Variants in STARD9 observed in about 807,000 individuals in gnomAD.
STARD9 encodes StAR related lipid transfer domain containing 9.
A neutral mutation model predicts 399.8 loss-of-function variants in STARD9; 346 were observed. The observed-to-expected ratio is 0.87, with a 90% confidence interval of 0.79 to 0.95. The LOEUF (loss-of-function observed/expected upper bound fraction) is 0.95. STARD9 is among the 40% of genes least tolerant of loss of function. The pLI is 0.00. For synonymous variants in STARD9, 2,203 were observed against 2,143.5 expected (o/e 1.03, Z -0.77); for missense variants, 5,832 against 5,667.5 (o/e 1.03, Z -0.93).
chr15:42,670,555 G>T (rs1595741881), intron 16 of STARD9: 1 of 152,202 alleles, frequency 6.6e-6, no homozygotes. Context: ...TGAAAATCTA[G>T]TTTTCATTCT....
intron 3 of STARD9, among the ~76,000 whole-genome samples, chr15:42,623,736 A>G (rs990424777): frequency 9.9e-5 from 15 of 152,202 alleles, no homozygotes; most frequent in African/African-American, 3.4e-4. Flanking sequence ...ACCAATTTCC[A>G]TGGTATGCAT....
At chr15:42,709,070 C>T (rs1270555687) in intron 26 of STARD9, among the ~76,000 whole-genome samples, 1 of 151,974 alleles carries the variant, frequency 6.6e-6, no homozygotes, top group Non-Finnish European at 1.5e-5. Context: ...TTGGGGGTCT[C>T]TCCACTGAAT....
intron 3 of STARD9, among the ~76,000 whole-genome samples, chr15:42,622,820 A>G (rs1053718207): frequency 2.0e-5 from 3 of 152,148 alleles, no homozygotes; most frequent in Non-Finnish European, 4.4e-5. Flanking sequence ...AATGAAAAGG[A>G]TACATTTTAT....
chr15:42,701,755 GAGGCTGAGGC>G lies in STARD9; in HGVS notation c.13284+5883_13284+5892del, dbSNP rs535699071. 9.2e-5 allele frequency among the ~76,000 whole-genome samples: 14 copies of G among 152,192 alleles called. No individual in the cohort carries two copies. The South Asian group carries it at 2.9e-3, about 32-fold the overall frequency. ...CACGCCTGTAATCCCAGCACTTTGG[GAGGCTGAGGC>G]AGGCTGATCACAAAGTCAGGAGTTC... On this transcript the variant is annotated intron_variant, in intron 26 of 32. Transcript: ENST00000290607.
At position 42,693,165 on chromosome 15, in the gene STARD9, T is replaced by C; in HGVS notation, c.11587T>C (p.Ser3863Pro). 1 of 1,537,036 alleles carries C rather than the reference T, an allele frequency of 6.5e-7. No individual in the cohort carries two copies. Among genetic ancestry groups the C allele is most frequent in the East Asian group, 2.4e-5 (1 of 40,904 alleles). The change falls in exon 23 of 33, where the codon TCC becomes CCC. Residue 3863 changes from serine (S) to proline (P), a missense_variant. By Grantham distance (74) the Ser-to-Pro change is moderately conservative (BLOSUM62 -1). Transcript: ENST00000290607. ...CLVVSSPSPS[S>P]PHSPGLFPST... ...AGTTGTCAGCAGTCCCAGTCCCAGC[T>C]CCCCTCATTCCCCAGGGCTCTTTCC...
intron 3 of STARD9, among the ~76,000 whole-genome samples, chr15:42,592,020 C>T (rs2058405730): frequency 6.6e-6 from 1 of 152,194 alleles, no homozygotes; most frequent in African/African-American, 2.4e-5. Context: ...AATTTTATGT[C>T]ATTTCCACTA....
At position 42,685,912 on chromosome 15, in the gene STARD9, T is replaced by C. The variant is rs1176235504; in HGVS notation, c.4334T>C (p.Ile1445Thr). The C allele has an allele frequency of 1.3e-6, 2 of 1,537,160 alleles. No homozygotes were observed. The highest frequency in any genetic ancestry group is 2.4e-5 in the East Asian group (1 of 40,918). Reference protein sequence around the residue: ...GADGTFQGRCIPDMTQQGSSE... With the variant: ...GADGTFQGRCTPDMTQQGSSE... ...GATGGCACCTTTCAGGGCAGATGTA[T>C]CCCTGACATGACCCAGCAGGGCAGC... The change falls in exon 23 of 33, where the codon ATC becomes ACC. Residue 1445 changes from isoleucine to threonine, a missense_variant. Ile to Thr is a moderately conservative substitution (Grantham distance 89). Transcript: ENST00000290607.
chr15:42,591,572 C>A (rs1358818183), intron 3 of STARD9, among the ~76,000 whole-genome samples: 1 of 151,960 alleles, frequency 6.6e-6, no homozygotes, highest in East Asian at 1.9e-4. Context: ...TAATTTATGG[C>A]ATTATACAGG....
In STARD9 at chr15:42,689,492, G is replaced by C; in HGVS notation, c.7914G>C (p.Gln2638His). ...TGTTACCTGATGAGAGGAAAGTCCA[G>C]GCCACATCTCTGTCTGCAGACAGCT... ...IDLLPDERKV[Q>H]ATSLSADSFE... The change falls in exon 23 of 33, where the codon CAG becomes CAC. Residue 2638 changes from glutamine (Q) to histidine (H), a missense_variant. Around this residue, in one of 2 missense-constraint regions of STARD9, gnomAD observed 5,828 missense variants for 5,651.1 expected, o/e 1.03. Transcript: ENST00000290607. 6.5e-7 allele frequency: 1 copy of C among 1,537,284 alleles called. No homozygotes were observed. The highest frequency in any genetic ancestry group is 8.7e-7 in the Non-Finnish European group (1 of 1,146,924).
In STARD9 at chr15:42,669,326, T is replaced by C; in HGVS notation, c.1486T>C (p.Tyr496His). The C allele has an allele frequency of 6.6e-7, 1 of 1,517,414 alleles. No individual in the cohort carries two copies. The highest frequency in any genetic ancestry group is 8.8e-7 in the Non-Finnish European group (1 of 1,130,842). The allele number at this position is 1,517,414 out of a possible 1,614,324, so 94.0% of individuals were successfully genotyped here. The change falls in exon 16 of 33, where the codon TAT becomes CAT. Residue 496 changes from tyrosine (Y) to histidine (H), a missense_variant. By Grantham distance (83) the Tyr-to-His change is moderately conservative (BLOSUM62 2). Around this residue, in one of 2 missense-constraint regions of STARD9, gnomAD observed 5,828 missense variants for 5,651.1 expected, o/e 1.03. Transcript: ENST00000290607. ...DDVLSTGVVLYHLKEGTTKIG... is the reference protein window; with the variant it reads ...DDVLSTGVVLHHLKEGTTKIG... Reference sequence around the variant, plus strand: ...TGTGCTCAGCACAGGTGTTGTGCTCTATCATCTCAAGGTGAGGAGGCTAGT... The same window carrying C: ...TGTGCTCAGCACAGGTGTTGTGCTCCATCATCTCAAGGTGAGGAGGCTAGT...
At chr15:42,661,504 G>T (rs2059993199) in intron 10 of STARD9, among the ~76,000 whole-genome samples, 1 of 152,022 alleles carries the variant, frequency 6.6e-6, no homozygotes, top group South Asian at 2.1e-4. Flanking sequence ...GAGTGCAGTA[G>T]TATGATCATG....
chr15:42,702,830 T>G (rs900899998), intron 26 of STARD9, among the ~76,000 whole-genome samples: 3 of 152,226 alleles, frequency 2.0e-5, no homozygotes, highest in Non-Finnish European at 2.9e-5. Flanking sequence ...GATGTTTTTT[T>G]CCTTCAGCAC....
At chr15:42,603,166 T>TTTTA (rs146949636) in intron 3 of STARD9, among the ~76,000 whole-genome samples, 79 of 152,288 alleles carry the variant, frequency 5.2e-4, no homozygotes, top group East Asian at 3.5e-3. Flanking sequence ...AAAATAGACT[T>TTTTA]TTTATTTATT....
At chr15:42,648,588 TC>T (rs1338638534) in intron 7 of STARD9, among the ~76,000 whole-genome samples, 1 of 152,238 alleles carries the variant, frequency 6.6e-6, no homozygotes, top group African/African-American at 2.4e-5. Context: ...TGAGAAGTCA[TC>T]TCCTAGTCTA....
At position 42,719,427 on chromosome 15, in the gene STARD9, C is replaced by T. The variant is rs187388117; in HGVS notation, c.14002-46C>T. ...ATGGGACTGGAGTACGCCTGGCATT[C>T]TCTCAAATCTATTTGCACCTTAAAT... On this transcript the variant is annotated intron_variant, in intron 32 of 32. Coordinates refer to ENST00000290607, the MANE Select transcript of STARD9 (RefSeq NM_020759.3). 2.5e-3 allele frequency: 3,166 copies of T among 1,283,722 alleles called. 5 individuals are homozygous for T. The highest frequency in any genetic ancestry group is 3.2e-3 in the Non-Finnish European group (2,897 of 917,110). 79.5% of individuals were successfully genotyped at this position (1,283,722 alleles called of 1,614,324 possible).
chr15:42,674,924 C>T lies in STARD9; in HGVS notation c.1647C>T (p.Val549=). Residue 549 remains valine, a synonymous_variant, in exon 18 of 33, where the codon GTC becomes GTT. Coordinates refer to ENST00000290607, the MANE Select transcript of STARD9 (RefSeq NM_020759.3). ...CTGCCCGTGGGGCCCGCTGTACAGT[C>T]AATGGCCGGGAGGTCACTGCCTCCT... ...LRPARGARCT[V]NGREVTASCR... 6.5e-7 allele frequency: 1 copy of T among 1,536,882 alleles called. No homozygotes were observed. The highest frequency in any genetic ancestry group is 8.7e-7 in the Non-Finnish European group (1 of 1,146,728).
At chr15:42,626,763 C>T (rs1310552932) in intron 3 of STARD9, among the ~76,000 whole-genome samples, 3 of 151,662 alleles carry the variant, frequency 2.0e-5, no homozygotes, top group East Asian at 3.9e-4. Context: ...CCACCCACCT[C>T]GGCCTCCCAA....
At chr15:42,630,616 T>C (rs2059314208) in intron 3 of STARD9, among the ~76,000 whole-genome samples, 1 of 152,166 alleles carries the variant, frequency 6.6e-6, no homozygotes, top group Non-Finnish European at 1.5e-5. Flanking sequence ...CTTGTTACTG[T>C]TCTATTCAGG....
rs561258261 is a variant in STARD9, at chr15:42,644,224, C to T, written c.559+5412C>T. Among the ~76,000 whole-genome samples, 3 of 152,268 alleles carry T rather than the reference C, an allele frequency of 2.0e-5. No homozygotes were observed. The South Asian group carries it at 6.2e-4, about 32-fold the overall frequency. On this transcript the variant is annotated intron_variant, in intron 7 of 32. Transcript: ENST00000290607. ...AATGTACATACTTGGCCGGGCATGG[C>T]GGCTCACGCCTGTAATCCCAGCACT...
Sources: gnomAD v4.1 joint callset for allele counts (sites outside exome capture counted in the v4.1 genomes callset) on GRCh38, gnomAD v4.1.1 for gene constraint, gnomAD v4.1.1 regional missense constraint, MANE v1.5 for transcripts, NCBI Gene and HGNC (gene_info 2026-07-23, HGNC 2026-07-21) for gene names.